The following WWOX variants were observed in gnomAD, a reference collection of about 807,000 sequenced individuals.
WWOX encodes the protein WW domain containing oxidoreductase, also known as WW domain-containing oxidoreductase.
WWOX carries 69 observed loss-of-function variants against 46.2 expected under a neutral mutation model. That is an observed-to-expected ratio of 1.49 (90% confidence interval 1.23 to 1.82). The LOEUF is 1.82. WWOX is among the 40% of genes most tolerant of loss of function. The pLI is 0.00. For missense variants in WWOX, 919 were observed against 542.6 expected, an observed-to-expected ratio of 1.69 and a Z score of -6.89; for synonymous variants, 359 against 202.6, an observed-to-expected ratio of 1.77 and a Z score of -6.56.
chr16:78,563,957 C>T (rs772879345), intron 8 of WWOX, among the ~76,000 whole-genome samples: 10 of 152,320 alleles, frequency 6.6e-5, no homozygotes, highest in South Asian at 2.1e-4. Flanking sequence ...AGGCTTGAAA[C>T]GTGCTTTTAT....
intron 8 of WWOX, among the ~76,000 whole-genome samples, chr16:78,965,819 ATTTG>A (rs2046353822): frequency 6.6e-6 from 1 of 152,102 alleles, no homozygotes; most frequent in South Asian, 2.1e-4. Flanking sequence ...CTTATTGATT[ATTTG>A]TTTGATTCTA....
rs1332098489 is a variant in WWOX at position 78,316,404 on chromosome 16, G to C, written c.517-70456G>C. Among the ~76,000 whole-genome samples, 13 of 152,190 alleles carry C rather than the reference G, an allele frequency of 8.5e-5. No homozygotes were observed. The East Asian group carries it at 2.5e-3, about 29-fold the overall frequency. On this transcript the variant is annotated intron_variant, in intron 5 of 8. Transcript: ENST00000566780. ...CACCTGGGCTGGGGTGCAATGGCGT[G>C]ATCTTGGCTCACTGCAACCTCCGAC...
In WWOX at chr16:78,797,507, AG is replaced by A. The variant is rs541592338; in HGVS notation, c.1056+364756del. ...ATGTTCTCGAGGCAGCCTGGAGTCA[AG>A]ACAAGAGTGCCAGCCAGGATTGAGG... On this transcript the variant is annotated intron_variant, in intron 8 of 8. Transcript: ENST00000566780. Among the ~76,000 whole-genome samples, 344 of 152,226 alleles carry A rather than the reference AG, an allele frequency of 2.3e-3. 1 individual carries two copies. Among genetic ancestry groups the A allele is most frequent in the African/African-American group, 7.8e-3 (324 of 41,544 alleles).
chr16:78,271,007 GA>G (rs1255418471), intron 5 of WWOX, among the ~76,000 whole-genome samples: 16 of 152,100 alleles, frequency 1.1e-4, no homozygotes, highest in African/African-American at 3.9e-4. Context: ...TTAGTGGTTT[GA>G]AAATATGTTG....
chr16:78,229,856 A>T (rs1476774429), intron 5 of WWOX, among the ~76,000 whole-genome samples: 1 of 151,174 alleles, frequency 6.6e-6, no homozygotes, highest in Admixed American at 6.6e-5. Flanking sequence ...ATTTCTTTTC[A>T]TTTCTTGTGT....
At chr16:78,213,684 G>A (rs2036629928) in intron 5 of WWOX, among the ~76,000 whole-genome samples, 1 of 151,980 alleles carries the variant, frequency 6.6e-6, no homozygotes, top group Admixed American at 6.6e-5. Flanking sequence ...ATGACATTGG[G>A]GACCAGAGAC....
intron 8 of WWOX, among the ~76,000 whole-genome samples, chr16:78,528,397 G>A (rs188481307): frequency 2.6e-5 from 4 of 151,816 alleles, no homozygotes; most frequent in East Asian, 3.9e-4. Flanking sequence ...GCAGAAGATC[G>A]CTCTCACCAA....
chr16:78,659,086 C>T (rs548997548), intron 8 of WWOX, among the ~76,000 whole-genome samples: 12 of 148,468 alleles, frequency 8.1e-5, no homozygotes, highest in South Asian at 2.1e-4. Flanking sequence ...AGTGAGAATC[C>T]GTCTCAAAAA....
intron 5 of WWOX, among the ~76,000 whole-genome samples, chr16:78,204,577 T>G (rs1188669027): frequency 7.2e-5 from 11 of 152,162 alleles, no homozygotes; most frequent in Non-Finnish European, 1.0e-4. Flanking sequence ...CTTCCCAGCT[T>G]CTGGTAACCA....
chr16:78,880,624 C>T (rs1032051029), intron 8 of WWOX, among the ~76,000 whole-genome samples: 1 of 152,200 alleles, frequency 6.6e-6, no homozygotes, highest in Admixed American at 6.5e-5. Context: ...CATCTTCATT[C>T]CCTTTGCTCC....
intron 8 of WWOX, among the ~76,000 whole-genome samples, chr16:78,476,027 G>C (rs1470894245): frequency 6.6e-6 from 1 of 152,108 alleles, no homozygotes; most frequent in Admixed American, 6.6e-5. Context: ...CCTTACTCAT[G>C]CTTCCTCTGT....
chr16:78,992,071 T>C (rs1354298293), intron 8 of WWOX, among the ~76,000 whole-genome samples: 1 of 152,168 alleles, frequency 6.6e-6, no homozygotes, highest in Non-Finnish European at 1.5e-5. Context: ...ATTCGTTCAT[T>C]CTTGGAATCT....
At chr16:78,288,984 C>T (rs1302615333) in intron 5 of WWOX, among the ~76,000 whole-genome samples, 1 of 152,158 alleles carries the variant, frequency 6.6e-6, no homozygotes, top group Non-Finnish European at 1.5e-5. Context: ...GCAAAACTAA[C>T]ACGCAGTGGG....
intron 8 of WWOX, among the ~76,000 whole-genome samples, chr16:78,758,265 A>G (rs925519024): frequency 3.3e-5 from 5 of 152,226 alleles, no homozygotes; most frequent in Non-Finnish European, 5.9e-5. Context: ...TTATTACCAG[A>G]GAATACTCTA....
chr16:78,662,073 AGTGGTG>A (rs200640879), intron 8 of WWOX, among the ~76,000 whole-genome samples: 11 of 149,754 alleles, frequency 7.3e-5, no homozygotes, highest in Non-Finnish European at 1.4e-4. Context: ...TAGTAGTAGT[AGTGGTG>A]GTGGTGGTGG....
chr16:78,877,441 A>G (rs1047832013), intron 8 of WWOX, among the ~76,000 whole-genome samples: 1 of 152,056 alleles, frequency 6.6e-6, no homozygotes, highest in African/African-American at 2.4e-5. Flanking sequence ...TAGCACCATG[A>G]GCTGTTCTTC....
chr16:78,487,334 C>T (rs1420104350), intron 8 of WWOX, among the ~76,000 whole-genome samples: 1 of 152,018 alleles, frequency 6.6e-6, no homozygotes, highest in Non-Finnish European at 1.5e-5. Flanking sequence ...GATGCATCAG[C>T]AGAGTTGAGC....
intron 5 of WWOX, among the ~76,000 whole-genome samples, chr16:78,370,470 G>C (rs944281850): frequency 6.8e-5 from 10 of 147,000 alleles, no homozygotes; most frequent in Non-Finnish European, 1.0e-4. Context: ...ATATATGAGA[G>C]ACGTATGCTG....
At chr16:79,015,662 C>T (rs1009164054) in intron 8 of WWOX, among the ~76,000 whole-genome samples, 1 of 152,202 alleles carries the variant, frequency 6.6e-6, no homozygotes, top group South Asian at 2.1e-4. Flanking sequence ...TCCCTAGTCC[C>T]TGTCTCCGTA....
Sources: allele counts gnomAD v4.1 joint callset (sites outside exome capture counted in the v4.1 genomes callset), GRCh38; gene constraint gnomAD v4.1.1; transcripts MANE v1.5; gene names NCBI Gene and HGNC (gene_info 2026-07-23, HGNC 2026-07-21).